The following CHM variants were observed in gnomAD, a reference collection of about 807,000 sequenced individuals.
The protein encoded by CHM is rab proteins geranylgeranyltransferase component A 1.
In CHM, 10 loss-of-function variants were observed where a neutral mutation model predicts 49.0. That is an observed-to-expected ratio of 0.20 (90% CI 0.13 to 0.35). CHM has a LOEUF of 0.35. CHM is among the 10% of genes least tolerant of loss of function. The pLI, the probability that CHM is intolerant of heterozygous loss-of-function variation, is 1.00. For missense variants in CHM, 455 were observed against 478.4 expected, an observed-to-expected ratio of 0.95 and a Z score of 0.46; for synonymous variants, 184 against 167.5, an observed-to-expected ratio of 1.10 and a Z score of -0.76.
intron 14 of CHM, among the ~76,000 whole-genome samples, chrX:85,865,901 G>A (rs766568358): frequency 9.3e-4 from 104 of 112,394 alleles, no homozygotes; most frequent in African/African-American, 2.8e-3. Context: ...GCATTCAAGA[G>A]GTGACCCAGC....
At chrX:86,035,835 C>T (rs1220335152) in intron 1 of CHM, among the ~76,000 whole-genome samples, 5 of 99,477 alleles carry the variant, frequency 5.0e-5, no homozygotes, top group Non-Finnish European at 1.0e-4. Context: ...GCTCTGTTGC[C>T]CAGGCTGGAG....
intron 8 of CHM, among the ~76,000 whole-genome samples, chrX:85,938,951 T>C (rs950885375): frequency 1.8e-5 from 2 of 111,910 alleles, no homozygotes; most frequent in Non-Finnish European, 3.8e-5. Context: ...GGACCACATA[T>C]ATGAGGAAAG....
Position 85,864,467 on chromosome X carries a change from T to C in CHM, c.*163A>G. ...GTGCTTTATAAGTGTTGTGTGTTCT[T>C]GGAATGTCCTCTATAAGGAAAATCC... On this transcript the variant is annotated 3_prime_UTR_variant, in exon 15 of 15. Coordinates refer to ENST00000357749, the MANE Select transcript of CHM (RefSeq NM_000390.4). 1 of 487,800 alleles carries C rather than the reference T, an allele frequency of 2.1e-6. No individual in the cohort carries two copies. The highest frequency in any genetic ancestry group is 3.6e-6 in the Non-Finnish European group (1 of 276,118). 40.2% of individuals were successfully genotyped at this position (487,800 alleles called of 1,213,427 possible). A position where few individuals can be genotyped will look rare whatever the true frequency, so the allele number is the denominator to read the frequency against.
chrX:85,864,800 T>A lies in CHM; in HGVS notation c.1792A>T (p.Ile598Phe), dbSNP rs777727424. The change falls in exon 15 of 15, where the codon ATC (isoleucine) becomes TTC (phenylalanine). Residue 598 changes from isoleucine to phenylalanine, a missense_variant. Transcript: ENST00000357749. ...VKQAETLFQE[I>F]CPNEDFCPPP... ...GGACAGAAATCTTCATTGGGGCAGA[T>A]TTCCTGGAAAAGTGTTTCAGCCTGG... 1 of 1,208,481 alleles carries A rather than the reference T, an allele frequency of 8.3e-7. No individual in the cohort carries two copies. The highest frequency in any genetic ancestry group is 1.1e-6 in the Non-Finnish European group (1 of 893,735).
intron 2 of CHM, among the ~76,000 whole-genome samples, chrX:86,006,916 G>C (rs1267321608): frequency 3.6e-5 from 4 of 111,561 alleles, no homozygotes; most frequent in Admixed American, 2.9e-4. Flanking sequence ...GTACTTTAAA[G>C]TTCATATGGA....
chrX:85,970,359 G>A, intron 4 of CHM: 2 of 746,163 alleles, frequency 2.7e-6, no homozygotes, highest in Non-Finnish European at 3.2e-6. Context: ...ATACTATATA[G>A]TATTCCAGTA....
Position 85,978,811 on chromosome X carries a change from C to T in CHM, c.270G>A (p.Arg90=), listed in dbSNP as rs781060978. Residue 90 remains arginine (R), a synonymous_variant, in exon 4 of 15, where the codon AGG becomes AGA. Transcript: ENST00000357749. ...LENEEAIALS[R]KDKTIQHVEV... Reference sequence around the variant, plus strand: ...CCACATGTTGAATAGTTTTGTCCTTCCTGCTAAGAGCAATGGCTTCTTCAT... The same window carrying T: ...CCACATGTTGAATAGTTTTGTCCTTTCTGCTAAGAGCAATGGCTTCTTCAT... 1.7e-6 allele frequency: 2 copies of T among 1,207,212 alleles called. No individual in the cohort carries two copies. Among genetic ancestry groups the T allele is most frequent in the Admixed American group, 2.2e-5 (1 of 45,978 alleles).
rs1360632382 is a variant in CHM at position 85,861,885 on chromosome X, CAATAT to C, written c.*2740_*2744del. 3 of 111,525 alleles carry C rather than the reference CAATAT, an allele frequency of 2.7e-5. No homozygotes were observed. The highest frequency in any genetic ancestry group is 7.4e-4 in the South Asian group (2 of 2,704). The allele number at this position is 111,525 out of a possible 1,213,427, so 9.2% of individuals were successfully genotyped here. The stretch of plus-strand genomic sequence containing the variant: ...GCTACTGAAAATTTTCCACTATGTA[CAATAT>C]ATTTTATTAATATGATTTCAAGCTT... On this transcript the variant is annotated 3_prime_UTR_variant, in exon 15 of 15. Transcript: ENST00000357749.
chrX:85,995,260 TAAAAAAAAA>T (rs55742394), intron 2 of CHM, among the ~76,000 whole-genome samples: 41 of 46,810 alleles, frequency 8.8e-4, no homozygotes, highest in South Asian at 6.4e-3. Flanking sequence ...CCTTATTACT[TAAAAAAAAA>T]AAAAAAAAAA....
intron 2 of CHM, among the ~76,000 whole-genome samples, chrX:86,018,297 A>G (rs1179663755): frequency 5.3e-5 from 6 of 112,199 alleles, no homozygotes; most frequent in African/African-American, 1.9e-4. Flanking sequence ...CAAGATCATT[A>G]GCCAGTAAGA....
Position 85,901,066 on chromosome X carries a change from G to A in CHM, c.1349+18C>T, listed in dbSNP as rs767955393. 3.7e-6 allele frequency: 4 copies of A among 1,081,078 alleles called. No homozygotes were observed. Among genetic ancestry groups the A allele is most frequent in the Non-Finnish European group, 2.6e-6 (2 of 779,683 alleles). 89.1% of individuals were successfully genotyped at this position (1,081,078 alleles called of 1,213,427 possible). On this transcript the variant is annotated intron_variant, in intron 10 of 14. Coordinates refer to ENST00000357749, the MANE Select transcript of CHM (RefSeq NM_000390.4). ...AATAAAATTACCTTCGCTTGCTAATGGGTGGAGGGGGCCTTACCTGTATTG... is the reference window on the plus strand; with the variant it reads ...AATAAAATTACCTTCGCTTGCTAATAGGTGGAGGGGGCCTTACCTGTATTG...
chrX:85,970,886 T>C (rs1031739859), intron 4 of CHM: 2 of 699,771 alleles, frequency 2.9e-6, no homozygotes, highest in African/African-American at 4.7e-5. Flanking sequence ...TTACAGTCTA[T>C]GATGTTTGAA....
chrX:85,906,663 C>T (rs1465923973), intron 9 of CHM, among the ~76,000 whole-genome samples: 1 of 111,764 alleles, frequency 8.9e-6, no homozygotes, highest in Non-Finnish European at 1.9e-5. Context: ...ACTTCTTTAT[C>T]CCCATAACAA....
chrX:85,901,112 C>A lies in CHM; in HGVS notation c.1321G>T (p.Glu441Ter). The change falls in exon 10 of 15, where the codon GAG becomes TAG. Residue 441 changes from glutamate to a stop codon, truncating the protein, a stop_gained. Coordinates refer to ENST00000357749, the MANE Select transcript of CHM (RefSeq NM_000390.4). LOFTEE classifies it high-confidence loss of function. ...TATTGCACACGTGAGCACATGTTCT[C>A]AGGAAAGTAACTGTCCTCCACGAGG... ...HFLVEDSYFP[E>*]NMCSRVQYRQ... 8.3e-7 allele frequency: 1 copy of A among 1,204,439 alleles called. No homozygotes were observed. Among genetic ancestry groups the A allele is most frequent in the Non-Finnish European group, 1.1e-6 (1 of 890,529 alleles).
chrX:85,941,415 T>C (rs1244953326), intron 8 of CHM, among the ~76,000 whole-genome samples: 9 of 111,738 alleles, frequency 8.1e-5, no homozygotes, highest in Non-Finnish European at 1.5e-4. Flanking sequence ...GGAAAAACAC[T>C]GCTCTATCGT....
At chrX:85,912,331 T>TA (rs1330706014) in intron 8 of CHM, among the ~76,000 whole-genome samples, 1 of 111,272 alleles carries the variant, frequency 9.0e-6, no homozygotes, top group African/African-American at 3.3e-5. Context: ...TTGCCACAGA[T>TA]AGAGTCCCTA....
At chrX:85,914,978 A>G (rs1483232297) in intron 8 of CHM, among the ~76,000 whole-genome samples, 2 of 110,984 alleles carry the variant, frequency 1.8e-5, no homozygotes, top group African/African-American at 6.6e-5. Flanking sequence ...CCAGAAAGGA[A>G]GCCAATGAAA....
At chrX:85,920,153 T>C (rs1034762992) in intron 8 of CHM, among the ~76,000 whole-genome samples, 2 of 109,488 alleles carry the variant, frequency 1.8e-5, no homozygotes, top group African/African-American at 6.7e-5. Flanking sequence ...TGGAGTGCAG[T>C]GGCGCGATCT....
At chrX:85,901,487 T>A (rs1469592902) in intron 9 of CHM, among the ~76,000 whole-genome samples, 2 of 111,313 alleles carry the variant, frequency 1.8e-5, no homozygotes, top group Non-Finnish European at 3.8e-5. Flanking sequence ...AACCATAAAT[T>A]TCCTAATATT....
Sources: gnomAD v4.1 joint callset for allele counts (sites outside exome capture counted in the v4.1 genomes callset) on GRCh38, gnomAD v4.1.1 for gene constraint, MANE v1.5 for transcripts, NCBI Gene and HGNC (gene_info 2026-07-23, HGNC 2026-07-21) for gene names.